ZFAND4: variants seen among roughly 807,000 people sequenced by gnomAD.
The protein encoded by ZFAND4 is zinc finger AN1-type containing 4.
A neutral mutation model predicts 64.4 loss-of-function variants in ZFAND4; 43 were observed. The observed-to-expected ratio is 0.67, with a 90% confidence interval of 0.52 to 0.86. The LOEUF (loss-of-function observed/expected upper bound fraction) is 0.86, where lower values mean the gene tolerates loss of function less well. Among genes scored for constraint, ZFAND4 ranks in the 40% least tolerant of loss-of-function variants. The probability of loss-of-function intolerance (pLI) is 0.00; values close to 1 mark genes in which losing one functional copy is unlikely to be tolerated. For synonymous variants in ZFAND4, 296 were observed against 305.7 expected, an observed-to-expected ratio of 0.97 and a Z score of 0.33; for missense variants, 929 against 859.8, an observed-to-expected ratio of 1.08 and a Z score of -1.01.
chr10:45,640,360 A>C (rs1589331113), intron 5 of ZFAND4: 2 of 1,273,996 alleles, frequency 1.6e-6, no homozygotes, highest in African/African-American at 1.6e-5. Flanking sequence ...ATGAATCAGA[A>C]TTTTTTTAAA....
chr10:45,638,595 T>A (rs954013217), intron 6 of ZFAND4, among the ~76,000 whole-genome samples: 1 of 152,194 alleles, frequency 6.6e-6, no homozygotes, highest in African/African-American at 2.4e-5. Context: ...CGAAAGTCCA[T>A]TGCTAGGTAT....
At chr10:45,636,594 G>A (rs1031295188) in intron 6 of ZFAND4, among the ~76,000 whole-genome samples, 1 of 151,578 alleles carries the variant, frequency 6.6e-6, no homozygotes, top group Non-Finnish European at 1.5e-5. Context: ...CCAAGATTGT[G>A]CCACTGAACT....
chr10:45,653,037 G>C lies in ZFAND4; in HGVS notation c.207C>G (p.His69Gln), dbSNP rs539813146. The change falls in exon 3 of 10, where the codon CAC becomes CAG. Residue 69 changes from histidine to glutamine, a missense_variant. Coordinates refer to ENST00000344646, the MANE Select transcript of ZFAND4 (RefSeq NM_174890.4). ...RLEGIPICRQ[H>Q]LIWNNMELEN... ...CAAGTTCCATGTTATTCCAAATTAA[G>C]TGTTGTCGACAGATGGGAATACCTT... 2 of 1,611,502 alleles carry C rather than the reference G, an allele frequency of 1.2e-6. No individual in the cohort carries two copies. The highest frequency in any genetic ancestry group is 1.7e-6 in the Non-Finnish European group (2 of 1,178,666).
intron 5 of ZFAND4, among the ~76,000 whole-genome samples, chr10:45,641,316 T>C (rs1286995867): frequency 1.3e-5 from 2 of 152,244 alleles, no homozygotes; most frequent in Non-Finnish European, 2.9e-5. Context: ...TATTAGTTTC[T>C]ATGCAGATTT....
chr10:45,642,389 C>T (rs1206395045), intron 5 of ZFAND4, among the ~76,000 whole-genome samples: 3 of 151,870 alleles, frequency 2.0e-5, no homozygotes, highest in Non-Finnish European at 2.9e-5. Context: ...GGGTGGATCA[C>T]GAGGTCAGGA....
intron 5 of ZFAND4, among the ~76,000 whole-genome samples, chr10:45,641,303 A>G (rs1008531708): frequency 1.3e-5 from 2 of 152,258 alleles, no homozygotes; most frequent in Non-Finnish European, 2.9e-5. Flanking sequence ...AAATAAGAAT[A>G]CATATTAGTT....
intron 7 of ZFAND4, among the ~76,000 whole-genome samples, chr10:45,625,399 G>A (rs577404222): frequency 8.6e-5 from 13 of 150,550 alleles, no homozygotes; most frequent in East Asian, 5.9e-4. Flanking sequence ...GCGTGAACCC[G>A]GGAGGCAGAG....
At chr10:45,629,486 G>A (rs1446423802) in intron 6 of ZFAND4, among the ~76,000 whole-genome samples, 2 of 152,132 alleles carry the variant, frequency 1.3e-5, no homozygotes, top group Non-Finnish European at 2.9e-5. Context: ...AAAGAAGCAG[G>A]AAAGGGAAAA....
chr10:45,655,869 T>C (rs930127042), intron 2 of ZFAND4, among the ~76,000 whole-genome samples: 2 of 152,168 alleles, frequency 1.3e-5, no homozygotes, highest in Admixed American at 6.5e-5. Flanking sequence ...TCAGTAATTT[T>C]TAAATTGCAA....
At chr10:45,664,598 G>A (rs1299956011) in intron 1 of ZFAND4, among the ~76,000 whole-genome samples, 1 of 150,118 alleles carries the variant, frequency 6.7e-6, no homozygotes, top group African/African-American at 2.4e-5. Context: ...CTGGATAAAA[G>A]GAATGCCAAC....
At chr10:45,616,798 G>GA (rs2044994359) in intron 9 of ZFAND4, among the ~76,000 whole-genome samples, 1 of 152,112 alleles carries the variant, frequency 6.6e-6, no homozygotes, top group Admixed American at 6.5e-5. Flanking sequence ...AGTCATTATT[G>GA]ACTGAAACAG....
chr10:45,649,025 T>C (rs2047581481), intron 4 of ZFAND4: 4 of 844,908 alleles, frequency 4.7e-6, no homozygotes, highest in Non-Finnish European at 5.7e-6. Context: ...TCCCAGCACT[T>C]TGGGAGGCCG....
chr10:45,619,033 A>G lies in ZFAND4; in HGVS notation c.1928-773T>C, dbSNP rs1039199937. Reference sequence around the variant, plus strand: ...GAGCACATCTGTTATTATATAAGAAAGAATTAAATCAATTTTTTTTTTTTT... The same window carrying G: ...GAGCACATCTGTTATTATATAAGAAGGAATTAAATCAATTTTTTTTTTTTT... On this transcript the variant is annotated intron_variant, in intron 8 of 9. Transcript: ENST00000344646. Among the ~76,000 whole-genome samples, 5 of 151,964 alleles carry G rather than the reference A, an allele frequency of 3.3e-5. No homozygotes were observed. In the South Asian group the frequency reaches 1.0e-3, roughly 32 times the overall value.
intron 6 of ZFAND4, among the ~76,000 whole-genome samples, chr10:45,631,592 T>G (rs929706017): frequency 2.0e-5 from 3 of 152,082 alleles, no homozygotes; most frequent in Non-Finnish European, 4.4e-5. Context: ...GTAATTAGAT[T>G]TCTCAATGGC....
At position 45,615,877 on chromosome 10, in the gene ZFAND4, G is replaced by GA. The variant is rs2044911326; in HGVS notation, c.*558dup. ...GTATTATCTGTTAAAAACCACACTG[G>GA]AAAAATGTTCTTTTTTATAAAAAGT... On this transcript the variant is annotated 3_prime_UTR_variant, in exon 10 of 10. Coordinates refer to ENST00000344646, the MANE Select transcript of ZFAND4 (RefSeq NM_174890.4). The GA allele has an allele frequency of 6.6e-6, 1 of 152,012 alleles. No homozygotes were observed. The highest frequency in any genetic ancestry group is 1.5e-5 in the Non-Finnish European group (1 of 68,014). The allele number at this position is 152,012 out of a possible 1,614,324, so 9.4% of individuals were successfully genotyped here. A position where few individuals can be genotyped will look rare whatever the true frequency, so the allele number is the denominator to read the frequency against.
intron 5 of ZFAND4, among the ~76,000 whole-genome samples, chr10:45,646,793 G>A (rs576278561): frequency 3.3e-5 from 5 of 152,246 alleles, no homozygotes; most frequent in African/African-American, 1.2e-4. Context: ...GCCAGCACAC[G>A]GCAAAACTGG....
intron 9 of ZFAND4, 30 bp from the exon 10 acceptor site, chr10:45,616,601 G>C (rs937589644): frequency 6.2e-7 from 1 of 1,612,508 alleles, no homozygotes; most frequent in African/African-American, 1.3e-5. Context: ...TACGTGAATA[G>C]TTGTATTTCT....
chr10:45,655,959 C>G (rs1236804351), intron 2 of ZFAND4, among the ~76,000 whole-genome samples: 1 of 152,196 alleles, frequency 6.6e-6, no homozygotes, highest in African/African-American at 2.4e-5. Flanking sequence ...TGGCCGGGCG[C>G]AGTGGCTCAC....
chr10:45,640,412 G>C (rs1433392098), intron 5 of ZFAND4: 95 of 1,205,210 alleles, frequency 7.9e-5, no homozygotes, highest in Non-Finnish European at 9.8e-5. Flanking sequence ...TCATCCTGAG[G>C]AGATTCTCAC....
Sources: gnomAD v4.1 joint callset for allele counts (sites outside exome capture counted in the v4.1 genomes callset) on GRCh38, gnomAD v4.1.1 for gene constraint, MANE v1.5 for transcripts, NCBI Gene and HGNC (gene_info 2026-07-23, HGNC 2026-07-21) for gene names.